The following LPP variants were observed in gnomAD, a reference collection of about 807,000 sequenced individuals.
LPP encodes lipoma-preferred partner.
Under a neutral mutation model 60.4 loss-of-function variants are expected in LPP, and 38 were observed. The ratio of observed to expected loss-of-function variants is 0.63; its 90% CI spans 0.49 to 0.83. LPP has a LOEUF of 0.83. Ranked by LOEUF, LPP falls within the 40% of genes least tolerant of loss-of-function variation. LPP has a pLI of 0.00. For missense variants in LPP, 902 were observed against 783.6 expected, an observed-to-expected ratio of 1.15 and a Z score of -1.80; for synonymous variants, 328 against 290.8, an observed-to-expected ratio of 1.13 and a Z score of -1.30.
chr3:188,851,310 G>T (rs1362613806), intron 9 of LPP, among the ~76,000 whole-genome samples: 1 of 152,098 alleles, frequency 6.6e-6, no homozygotes, highest in Non-Finnish European at 1.5e-5. Context: ...TATTGATTGA[G>T]AACTAATCAT....
At chr3:188,847,754 C>T (rs1482272712) in intron 9 of LPP, among the ~76,000 whole-genome samples, 2 of 152,078 alleles carry the variant, frequency 1.3e-5, no homozygotes, top group African/African-American at 4.8e-5. Context: ...CTAGAGTGGG[C>T]TTATAACTGT....
chr3:188,587,534 G>C (rs11925128), intron 6 of LPP, among the ~76,000 whole-genome samples: 1 of 151,896 alleles, frequency 6.6e-6, no homozygotes, highest in Non-Finnish European at 1.5e-5. Context: ...TATTATATAC[G>C]CCATACAATT....
intron 2 of LPP, among the ~76,000 whole-genome samples, chr3:188,298,448 C>T (rs1748653249): frequency 6.6e-6 from 1 of 152,168 alleles, no homozygotes; most frequent in Non-Finnish European, 1.5e-5. Context: ...TTGCTCCACA[C>T]AGCAATTGTT....
chr3:188,537,352 C>G (rs944629873), intron 6 of LPP, among the ~76,000 whole-genome samples: 1 of 152,080 alleles, frequency 6.6e-6, no homozygotes, highest in African/African-American at 2.4e-5. Flanking sequence ...GAAAAAGAAA[C>G]AATAGATTTT....
At chr3:188,331,899 TC>T (rs1269885470) in intron 2 of LPP, among the ~76,000 whole-genome samples, 18 of 152,322 alleles carry the variant, frequency 1.2e-4, no homozygotes, top group African/African-American at 4.3e-4. Flanking sequence ...AATATTAAAT[TC>T]CAAGACTATT....
Position 188,527,637 on chromosome 3 carries a change from T to G in LPP, c.429+2850T>G, listed in dbSNP as rs112611108. Among the ~76,000 whole-genome samples, 1,016 of 152,266 alleles carry G rather than the reference T, an allele frequency of 6.7e-3. 15 individuals are homozygous for G. The highest frequency in any genetic ancestry group is 0.023 in the African/African-American group (960 of 41,560). On this transcript the variant is annotated intron_variant, in intron 6 of 11. Transcript: ENST00000617246. ...TTGCTTGATGTTCAGCAATTTTTTTTGATTCCACCCAAGCAAATGCCCCAA... is the reference window on the plus strand; with the variant it reads ...TTGCTTGATGTTCAGCAATTTTTTTGGATTCCACCCAAGCAAATGCCCCAA...
intron 6 of LPP, among the ~76,000 whole-genome samples, chr3:188,540,044 C>G (rs1824727622): frequency 6.6e-6 from 1 of 152,156 alleles, no homozygotes; most frequent in Admixed American, 6.5e-5. Context: ...TGCTGTGATA[C>G]CTGGTATAGA....
At chr3:188,651,324 A>G (rs890166208) in intron 7 of LPP, among the ~76,000 whole-genome samples, 2 of 152,198 alleles carry the variant, frequency 1.3e-5, no homozygotes, top group Admixed American at 1.3e-4. Context: ...AGATAAGATA[A>G]TGAGGCAGAG....
intron 4 of LPP, among the ~76,000 whole-genome samples, chr3:188,481,145 G>A (rs978996225): frequency 6.6e-6 from 1 of 152,106 alleles, no homozygotes; most frequent in Non-Finnish European, 1.5e-5. Context: ...GTCTGATTTA[G>A]GATAGTTATT....
chr3:188,248,090 A>G (rs1727663904), intron 2 of LPP, among the ~76,000 whole-genome samples: 2 of 152,042 alleles, frequency 1.3e-5, no homozygotes, highest in South Asian at 2.1e-4. Context: ...CTCTGATGGT[A>G]TCTTGCTTGA....
chr3:188,834,324 G>GTTTTTTTTTTTTTTTTTTTTTTTT (rs71867135), intron 9 of LPP, among the ~76,000 whole-genome samples: 11 of 34,096 alleles, frequency 3.2e-4, no homozygotes, highest in African/African-American at 5.4e-4. Flanking sequence ...CTTTTTGGGT[G>GTTTTTTTTTTTTTTTTTTTTTTTT]TTTTTTTTTT....
chr3:188,491,709 A>G (rs184282228), intron 5 of LPP, among the ~76,000 whole-genome samples: 1 of 152,334 alleles, frequency 6.6e-6, no homozygotes, highest in Admixed American at 6.5e-5. Context: ...GTGACTTTCT[A>G]GAAGCGAATG....
intron 9 of LPP, among the ~76,000 whole-genome samples, chr3:188,844,083 G>T (rs998352850): frequency 5.9e-5 from 9 of 152,150 alleles, no homozygotes; most frequent in African/African-American, 1.9e-4. Context: ...ATTATGGATG[G>T]CATACTTTAT....
intron 4 of LPP, among the ~76,000 whole-genome samples, chr3:188,413,599 CAG>C (rs918418205): frequency 6.6e-6 from 1 of 152,094 alleles, no homozygotes; most frequent in Non-Finnish European, 1.5e-5. Flanking sequence ...TTCAGGTCCT[CAG>C]GGGGACAAAA....
At chr3:188,491,775 A>G (rs892035315) in intron 5 of LPP, among the ~76,000 whole-genome samples, 2 of 152,204 alleles carry the variant, frequency 1.3e-5, no homozygotes, top group African/African-American at 2.4e-5. Context: ...GGTTATTCAG[A>G]TAAGAAGATG....
chr3:188,760,409 G>GGTGGGTGT, intron 9 of LPP, 127 bp downstream of exon 9: 2 of 601,656 alleles, frequency 3.3e-6, no homozygotes, highest in South Asian at 1.9e-5. Context: ...GTGTGTGTGG[G>GGTGGGTGT]GTGTGTGTGT....
intron 9 of LPP, among the ~76,000 whole-genome samples, chr3:188,762,043 C>G (rs1202789759): frequency 6.6e-6 from 1 of 152,064 alleles, no homozygotes; most frequent in Non-Finnish European, 1.5e-5. Context: ...TTTTTTATCC[C>G]TTTTTGACTC....
intron 2 of LPP, among the ~76,000 whole-genome samples, chr3:188,338,722 TTATA>T (rs1174424166): frequency 6.6e-6 from 1 of 152,148 alleles, no homozygotes; most frequent in African/African-American, 2.4e-5. Context: ...GTGGGAGTTT[TTATA>T]AGATACTCTT....
At chr3:188,373,071 G>A (rs1172157564) in intron 3 of LPP, among the ~76,000 whole-genome samples, 2 of 152,058 alleles carry the variant, frequency 1.3e-5, no homozygotes, top group Non-Finnish European at 2.9e-5. Flanking sequence ...ATTCCATGGT[G>A]TATATGTGTC....
Sources: gnomAD v4.1 joint callset for allele counts (sites outside exome capture counted in the v4.1 genomes callset) on GRCh38, gnomAD v4.1.1 for gene constraint, MANE v1.5 for transcripts, NCBI Gene and HGNC (gene_info 2026-07-23, HGNC 2026-07-21) for gene names.